Variants in GRXCR2 observed in about 807,000 individuals in gnomAD.
The protein encoded by GRXCR2 is glutaredoxin and cysteine rich domain containing 2.
Under a neutral mutation model 24.8 loss-of-function variants are expected in GRXCR2, and 23 were observed. That is an observed-to-expected ratio of 0.93 (90% CI 0.67 to 1.32). The LOEUF (loss-of-function observed/expected upper bound fraction) is 1.32, where lower values mean the gene tolerates loss of function less well. GRXCR2 is among the 40% of genes most tolerant of loss of function. The pLI is 0.00. For synonymous variants in GRXCR2, 130 were observed against 116.1 expected, an observed-to-expected ratio of 1.12 and a Z score of -0.77; for missense variants, 315 against 303.4, an observed-to-expected ratio of 1.04 and a Z score of -0.28.
intron 2 of GRXCR2, among the ~76,000 whole-genome samples, chr5:145,892,202 T>C (rs1756876409): frequency 6.6e-6 from 1 of 151,972 alleles, no homozygotes; most frequent in Non-Finnish European, 1.5e-5. Context: ...GCAGAAAAAC[T>C]GGAAACTCTA....
intron 2 of GRXCR2, among the ~76,000 whole-genome samples, chr5:145,924,456 C>T (rs1469585572): frequency 3.3e-5 from 5 of 152,142 alleles, no homozygotes; most frequent in Non-Finnish European, 5.9e-5. Flanking sequence ...TCAGGCTTAT[C>T]TCCCTTTGTG....
At chr5:145,909,879 C>T (rs1361863788) in intron 2 of GRXCR2, among the ~76,000 whole-genome samples, 3 of 152,002 alleles carry the variant, frequency 2.0e-5, no homozygotes, top group Admixed American at 6.6e-5. Flanking sequence ...TATATTCTAC[C>T]CCCCGCCCTC....
chr5:145,890,094 G>C (rs1446865938), intron 2 of GRXCR2, among the ~76,000 whole-genome samples: 1 of 152,128 alleles, frequency 6.6e-6, no homozygotes, highest in Non-Finnish European at 1.5e-5. Context: ...TGTTTTGTTT[G>C]TTTGTTTTTT....
chr5:145,863,067 T>C (rs547382536), intron 2 of GRXCR2, among the ~76,000 whole-genome samples: 1 of 152,366 alleles, frequency 6.6e-6, no homozygotes, highest in South Asian at 2.1e-4. Flanking sequence ...GCCAAATTTT[T>C]CCCTTTCCAC....
chr5:145,889,231 A>AGAAAGAAAGAAAGAAG (rs1756826960), intron 2 of GRXCR2, among the ~76,000 whole-genome samples: 1 of 148,700 alleles, frequency 6.7e-6, no homozygotes. Context: ...AAAGAAAGAA[A>AGAAAGAAAGAAAGAAG]GAAAGAAAGA....
chr5:145,918,233 C>T (rs766334104), intron 2 of GRXCR2, among the ~76,000 whole-genome samples: 2 of 152,184 alleles, frequency 1.3e-5, no homozygotes, highest in Non-Finnish European at 2.9e-5. Flanking sequence ...TTACAACTTA[C>T]AAAACATTTT....
intron 1 of GRXCR2, among the ~76,000 whole-genome samples, chr5:145,868,807 T>C (rs538260160): frequency 1.1e-4 from 16 of 152,366 alleles, no homozygotes; most frequent in African/African-American, 3.1e-4. Context: ...ATGGAGGGTC[T>C]CAAGTCACTT....
chr5:145,931,297 G>T (rs572201775), intron 2 of GRXCR2, among the ~76,000 whole-genome samples: 3 of 152,148 alleles, frequency 2.0e-5, no homozygotes, highest in Non-Finnish European at 4.4e-5. Flanking sequence ...CTCCCAAAGC[G>T]CTGGAATTAC....
chr5:145,895,054 A>C (rs1359699833), intron 2 of GRXCR2, among the ~76,000 whole-genome samples: 1 of 152,188 alleles, frequency 6.6e-6, no homozygotes, highest in Non-Finnish European at 1.5e-5. Context: ...ACCTCAACAG[A>C]TGCAGAAAAA....
At chr5:145,885,085 A>ATGTGTGTGTGTG (rs1316523646) in intron 2 of GRXCR2, among the ~76,000 whole-genome samples, 1 of 134,492 alleles carries the variant, frequency 7.4e-6, no homozygotes, top group African/African-American at 3.0e-5. Context: ...ATCATGCAGC[A>ATGTGTGTGTGTG]TGTGTGTGTG....
rs908083649 is a variant in GRXCR2, at chr5:145,866,565, C to A, written c.500G>T (p.Arg167Met). The A allele has an allele frequency of 8.1e-6, 13 of 1,614,096 alleles. No homozygotes were observed. In the African/African-American group the frequency reaches 1.7e-4, roughly 22 times the overall value. Reference sequence around the variant, plus strand: ...CACCAAAGGTCTATCGTGCTGGTCCCTGCCTCCATAGCTTTCTTCTTTGTT... The same window carrying A: ...CACCAAAGGTCTATCGTGCTGGTCCATGCCTCCATAGCTTTCTTCTTTGTT... ...LMNKEESYGG[R>M]DQHDRPLVEA... is the part of the protein sequence containing the mutation. Residue 167 changes from arginine to methionine, a missense_variant, in exon 2 of 3, where the codon AGG becomes ATG. Coordinates refer to ENST00000377976, the MANE Select transcript of GRXCR2 (RefSeq NM_001080516.2).
chr5:145,914,664 A>G lies in GRXCR2; in HGVS notation c.-70+21037T>C, dbSNP rs188577375. On this transcript the variant is annotated intron_variant, in intron 2 of 3. Coordinates refer to the GRXCR2 transcript ENST00000639411. ...GCACTCCAGCCTGGGTGATCGAACA[A>G]GACTCCATCTCAAAAAAAAAAAAAA... Among the ~76,000 whole-genome samples the G allele has an allele frequency of 3.0e-5, 4 of 133,844 alleles. No homozygotes were observed. In the East Asian group the frequency reaches 9.5e-4, roughly 32 times the overall value. 87.8% of individuals were successfully genotyped at this position (133,844 alleles called of 152,430 possible).
rs115882706 is a variant in GRXCR2, at chr5:145,900,041, A to G, written c.-69-33313T>C. Among the ~76,000 whole-genome samples the G allele has an allele frequency of 3.2e-3, 484 of 152,290 alleles. 2 individuals carry two copies. Among genetic ancestry groups the G allele is most frequent in the African/African-American group, 0.011 (453 of 41,558 alleles). On this transcript the variant is annotated intron_variant, in intron 2 of 3. Coordinates refer to the GRXCR2 transcript ENST00000639411. ...AGTTTTAACAACCAGAATCTATAAG[A>G]AACTTAAACAATGGAGCAAGCAAAA...
At chr5:145,914,384 TAAC>T (rs1389697079) in intron 2 of GRXCR2, among the ~76,000 whole-genome samples, 1 of 145,450 alleles carries the variant, frequency 6.9e-6, no homozygotes, top group Non-Finnish European at 1.5e-5. Flanking sequence ...TTAAAAAAAA[TAAC>T]AAATCTGGCG....
At position 145,872,881 on chromosome 5, in the gene GRXCR2, G is replaced by A. The variant is rs773078687; in HGVS notation, c.88C>T (p.Arg30Ter). ...TCCTCAAAGACCTGCTTCAATACTC[G>A]ACCGCTGTAGGAGGAGGAGATTTTA... The part of the protein sequence containing the change: ...RFKISSSYSG[R>*]VLKQVFEDGQ... The change falls in exon 1 of 3, where the codon CGA becomes TGA. Residue 30 changes from arginine to a stop codon, truncating the protein, a stop_gained. Transcript: ENST00000377976. LOFTEE classifies it high-confidence loss of function. The A allele has an allele frequency of 9.3e-6, 15 of 1,613,892 alleles. No individual in the cohort carries two copies. Among genetic ancestry groups the A allele is most frequent in the Middle Eastern group, 1.6e-4 (1 of 6,084 alleles).
chr5:145,915,977 T>C (rs1368158818), intron 2 of GRXCR2, among the ~76,000 whole-genome samples: 2 of 152,074 alleles, frequency 1.3e-5, no homozygotes, highest in South Asian at 2.1e-4. Flanking sequence ...AGGGTACCCA[T>C]GCACACCCAG....
At position 145,931,029 on chromosome 5, in the gene GRXCR2, T is replaced by C. The variant is rs182546382; in HGVS notation, c.-70+4672A>G. The stretch of plus-strand genomic sequence containing the variant: ...GACTCCAAAACCATAGGGCTTTTTG[T>C]CTGTTTGTTTTGTTTTGTTTTAGAC... On this transcript the variant is annotated intron_variant, in intron 2 of 3. Transcript: ENST00000639411. Among the ~76,000 whole-genome samples, 631 of 151,954 alleles carry C rather than the reference T, an allele frequency of 4.2e-3. 3 individuals carry two copies. The highest frequency in any genetic ancestry group is 0.014 in the African/African-American group (586 of 41,310).
chr5:145,928,372 A>G (rs1757430599), intron 2 of GRXCR2, among the ~76,000 whole-genome samples: 1 of 152,158 alleles, frequency 6.6e-6, no homozygotes, highest in Non-Finnish European at 1.5e-5. Context: ...AGAACTAGAA[A>G]TACCATTTGA....
intron 2 of GRXCR2, among the ~76,000 whole-genome samples, chr5:145,880,016 C>T (rs966572901): frequency 2.0e-5 from 3 of 152,146 alleles, no homozygotes; most frequent in Admixed American, 2.0e-4. Flanking sequence ...ACACAACGTA[C>T]CAGAATCTCT....
Sources: allele counts gnomAD v4.1 joint callset (sites outside exome capture counted in the v4.1 genomes callset), GRCh38; gene constraint gnomAD v4.1.1; transcripts MANE v1.5; gene names NCBI Gene and HGNC (gene_info 2026-07-23, HGNC 2026-07-21).